The following IGF2BP3 variants were observed in gnomAD, a reference collection of about 807,000 sequenced individuals.
The protein encoded by IGF2BP3 is insulin like growth factor 2 mRNA binding protein 3.
In IGF2BP3, 9 loss-of-function variants were observed where a neutral mutation model predicts 73.8. The ratio of observed to expected loss-of-function variants is 0.12; its 90% CI spans 0.07 to 0.21. The LOEUF (loss-of-function observed/expected upper bound fraction) is 0.21, where lower values mean the gene tolerates loss of function less well. Among genes scored for constraint, IGF2BP3 ranks in the 10% least tolerant of loss-of-function variants. The probability of loss-of-function intolerance (pLI) is 1.00; values close to 1 mark genes in which losing one functional copy is unlikely to be tolerated. For missense variants in IGF2BP3, 542 were observed against 714.0 expected, an observed-to-expected ratio of 0.76 and a Z score of 2.75; for synonymous variants, 258 against 256.7, an observed-to-expected ratio of 1.01 and a Z score of -0.05.
chr7:23,323,811 T>C lies in IGF2BP3; in HGVS notation c.1204-4557A>G, dbSNP rs959947523. Among the ~76,000 whole-genome samples, 16 of 152,106 alleles carry C rather than the reference T, an allele frequency of 1.1e-4. 1 individual carries two copies. The highest frequency in any genetic ancestry group is 9.2e-4 in the Admixed American group (14 of 15,266). ...ACATGGAAACTGAACAACCTGCTCC[T>C]GAATGACTACTGGGTACATAACGAA... On this transcript the variant is annotated intron_variant, in intron 10 of 14. Coordinates refer to ENST00000258729, the MANE Select transcript of IGF2BP3 (RefSeq NM_006547.3).
At chr7:23,442,964 T>C (rs899378272) in intron 2 of IGF2BP3, among the ~76,000 whole-genome samples, 2 of 152,190 alleles carry the variant, frequency 1.3e-5, no homozygotes, top group Non-Finnish European at 2.9e-5. Context: ...GGAAGCAGTT[T>C]AGTGAAATTT....
At chr7:23,411,265 G>C (rs1787010653) in intron 3 of IGF2BP3, among the ~76,000 whole-genome samples, 1 of 152,174 alleles carries the variant, frequency 6.6e-6, no homozygotes, top group African/African-American at 2.4e-5. Flanking sequence ...CATGGTGTTA[G>C]CTTTATGTTG....
Position 23,347,605 on chromosome 7 carries a change from T to C in IGF2BP3, c.813A>G (p.Ile271Met). The C allele has an allele frequency of 8.1e-6, 13 of 1,613,308 alleles. No homozygotes were observed. The highest frequency in any genetic ancestry group is 1.3e-5 in the African/African-American group (1 of 74,966). The change falls in exon 7 of 15, where the codon ATA becomes ATG. Residue 271 changes from isoleucine (I) to methionine (M), a missense_variant. Transcript: ENST00000258729. Reference protein sequence around the residue: ...LEIMHKEAQDIKFTEEIPLKI... With the variant: ...LEIMHKEAQDMKFTEEIPLKI... ...GGACAATCTTCTTTACTCACAATTTTATATCTTGAGCTTCCTTATGCATAA... is the reference window on the plus strand; with the variant it reads ...GGACAATCTTCTTTACTCACAATTTCATATCTTGAGCTTCCTTATGCATAA...
intron 3 of IGF2BP3, among the ~76,000 whole-genome samples, chr7:23,408,979 G>A (rs1211002473): frequency 7.0e-6 from 1 of 143,616 alleles, no homozygotes; most frequent in Non-Finnish European, 1.5e-5. Context: ...GTGGGGATGG[G>A]GGGGATGGCT....
intron 2 of IGF2BP3, among the ~76,000 whole-genome samples, chr7:23,440,629 T>C (rs921680463): frequency 2.6e-5 from 4 of 152,206 alleles, no homozygotes; most frequent in African/African-American, 9.7e-5. Context: ...AACAGACTAG[T>C]AGAATCAAGT....
At chr7:23,376,555 A>AAG (rs1785726062) in intron 3 of IGF2BP3, among the ~76,000 whole-genome samples, 1 of 140,160 alleles carries the variant, frequency 7.1e-6, no homozygotes, top group African/African-American at 2.7e-5. Flanking sequence ...AAAAAAAAAA[A>AAG]AAAGAAAGAA....
At chr7:23,369,325 G>A (rs1431774759) in intron 3 of IGF2BP3, among the ~76,000 whole-genome samples, 1 of 152,064 alleles carries the variant, frequency 6.6e-6, no homozygotes, top group African/African-American at 2.4e-5. Context: ...GTCACCTCCT[G>A]GTATGATCCA....
At position 23,312,188 on chromosome 7, in the gene IGF2BP3, A is replaced by C. The variant is rs1321691636; in HGVS notation, c.*174T>G. 3 of 591,284 alleles carry C rather than the reference A, an allele frequency of 5.1e-6. No homozygotes were observed. The East Asian group carries it at 8.1e-5, about 16-fold the overall frequency. 36.6% of individuals were successfully genotyped at this position (591,284 alleles called of 1,614,324 possible). A position where few individuals can be genotyped will look rare whatever the true frequency, so the allele number is the denominator to read the frequency against. On this transcript the variant is annotated 3_prime_UTR_variant, in exon 15 of 15. Transcript: ENST00000258729. ...GGTGTCATACATTTCAGAGAGCATA[A>C]AGTATACATTCTCACAGAGACAGGA...
chr7:23,362,182 T>C (rs1785245685), intron 3 of IGF2BP3, among the ~76,000 whole-genome samples: 1 of 152,016 alleles, frequency 6.6e-6, no homozygotes, highest in African/African-American at 2.4e-5. Flanking sequence ...GAGGCCAAGA[T>C]GGGAGCATAG....
chr7:23,315,290 T>G (rs1277350350), intron 12 of IGF2BP3, among the ~76,000 whole-genome samples: 1 of 151,974 alleles, frequency 6.6e-6, no homozygotes, highest in East Asian at 1.9e-4. Flanking sequence ...GTATTTTTAG[T>G]AGAGATGGAG....
At chr7:23,361,960 T>C (rs1785240909) in intron 3 of IGF2BP3, among the ~76,000 whole-genome samples, 1 of 152,208 alleles carries the variant, frequency 6.6e-6, no homozygotes, top group South Asian at 2.1e-4. Flanking sequence ...TCTCATTTCC[T>C]ATGGCTAACC....
At chr7:23,330,060 G>A (rs528776410) in intron 10 of IGF2BP3, among the ~76,000 whole-genome samples, 18 of 152,136 alleles carry the variant, frequency 1.2e-4, no homozygotes, top group African/African-American at 4.3e-4. Flanking sequence ...GCCGAGGTGG[G>A]CAGATCACAA....
At chr7:23,350,671 G>A (rs542673827) in intron 6 of IGF2BP3, among the ~76,000 whole-genome samples, 1 of 144,272 alleles carries the variant, frequency 6.9e-6, no homozygotes, top group African/African-American at 2.9e-5. Flanking sequence ...ATGTAGCAGG[G>A]CCCTGGCCTT....
intron 3 of IGF2BP3, among the ~76,000 whole-genome samples, chr7:23,381,264 T>C (rs1583965370): frequency 2.0e-5 from 3 of 152,314 alleles, no homozygotes; most frequent in East Asian, 3.9e-4. Flanking sequence ...GTTTTCAAGA[T>C]GCAAAAATTG....
chr7:23,440,808 G>A (rs1787915093), intron 2 of IGF2BP3, among the ~76,000 whole-genome samples: 1 of 152,162 alleles, frequency 6.6e-6, no homozygotes, highest in Non-Finnish European at 1.5e-5. Flanking sequence ...TTTTTTCTAA[G>A]AGGTCCCACA....
At chr7:23,421,947 GC>G (rs1456963665) in intron 2 of IGF2BP3, among the ~76,000 whole-genome samples, 6 of 151,856 alleles carry the variant, frequency 4.0e-5, no homozygotes, top group Admixed American at 2.6e-4. Context: ...ACCACATCCA[GC>G]TAGTTTTTTT....
At chr7:23,425,431 G>A (rs1317871267) in intron 2 of IGF2BP3, among the ~76,000 whole-genome samples, 1 of 152,110 alleles carries the variant, frequency 6.6e-6, no homozygotes, top group African/African-American at 2.4e-5. Flanking sequence ...GCCCAGACTG[G>A]AGAGCAGTGG....
intron 6 of IGF2BP3, among the ~76,000 whole-genome samples, chr7:23,349,495 T>C (rs1357360644): frequency 6.6e-6 from 1 of 152,224 alleles, no homozygotes; most frequent in Non-Finnish European, 1.5e-5. Context: ...CAGGGATGCC[T>C]GTCTTCCAGC....
chr7:23,330,883 C>T (rs983467621), intron 10 of IGF2BP3, among the ~76,000 whole-genome samples: 23 of 152,196 alleles, frequency 1.5e-4, no homozygotes, highest in African/African-American at 5.1e-4. Context: ...CTGCAACCTC[C>T]GCCTTCCAAG....
Sources: allele counts gnomAD v4.1 joint callset (sites outside exome capture counted in the v4.1 genomes callset), GRCh38; gene constraint gnomAD v4.1.1; transcripts MANE v1.5; gene names NCBI Gene and HGNC (gene_info 2026-07-23, HGNC 2026-07-21).